Variants in SLC25A12 observed in about 807,000 individuals in gnomAD.
SLC25A12 encodes the protein solute carrier family 25 member 12.
Under a neutral mutation model 83.3 loss-of-function variants are expected in SLC25A12, and 32 were observed. The observed-to-expected ratio is 0.38, with a 90% CI of 0.29 to 0.52. The LOEUF is 0.52. Among genes scored for constraint, SLC25A12 ranks in the 20% least tolerant of loss-of-function variants. SLC25A12 has a pLI of 0.84. For synonymous variants in SLC25A12, 267 were observed against 291.1 expected (o/e 0.92, Z 0.84); for missense variants, 611 against 835.6 (o/e 0.73, Z 3.31).
chr2:171,867,416 C>T (rs1685356057), intron 3 of SLC25A12, among the ~76,000 whole-genome samples: 1 of 152,068 alleles, frequency 6.6e-6, no homozygotes, highest in African/African-American at 2.4e-5. Context: ...GGATCACTCG[C>T]GGTTAGGAGC....
chr2:171,883,774 A>T (rs1685748502), intron 2 of SLC25A12, among the ~76,000 whole-genome samples: 1 of 152,142 alleles, frequency 6.6e-6, no homozygotes, highest in South Asian at 2.1e-4. Flanking sequence ...TTGAAAAATG[A>T]TTTAAAAAAT....
chr2:171,787,840 T>A lies in SLC25A12; in HGVS notation c.1693A>T (p.Arg565Trp), dbSNP rs745378330. Residue 565 changes from arginine to tryptophan, a missense_variant, in exon 16 of 18, where the codon AGG (arginine) becomes TGG (tryptophan). By Grantham distance (101) the Arg-to-Trp change is moderately radical. Transcript: ENST00000422440. ...GGCCCTTCTTCCCGGAGAATCTTCC[T>A]GAAACAGTCGATGACACCACTGTAT... ...TTYSGVIDCF[R>W]KILREEGPSA... is the part of the protein sequence containing the mutation. The A allele has an allele frequency of 1.2e-5, 19 of 1,614,192 alleles. No homozygotes were observed. The South Asian group carries it at 2.0e-4, about 17-fold the overall frequency.
Position 171,813,601 on chromosome 2 carries a change from A to G in SLC25A12, c.1013-104T>C, listed in dbSNP as rs1409696899. On this transcript the variant is annotated intron_variant, in intron 10 of 17. Coordinates refer to ENST00000422440, the MANE Select transcript of SLC25A12 (RefSeq NM_003705.5). ...AAAGGATGAGAAAATAAAACACAAC[A>G]TGTATTCTCACAAAAGAGAGTTTAT... 7 of 1,190,460 alleles carry G rather than the reference A, an allele frequency of 5.9e-6. No homozygotes were observed. The African/African-American group carries it at 1.1e-4, about 18-fold the overall frequency. 73.7% of individuals were successfully genotyped at this position (1,190,460 alleles called of 1,614,324 possible). A position where few individuals can be genotyped will look rare whatever the true frequency, so the allele number is the denominator to read the frequency against.
At chr2:171,880,753 A>G (rs1275328695) in intron 2 of SLC25A12, among the ~76,000 whole-genome samples, 2 of 151,948 alleles carry the variant, frequency 1.3e-5, no homozygotes, top group South Asian at 2.1e-4. Flanking sequence ...TCATTATTCT[A>G]TTTTCTCTAG....
chr2:171,783,482 A>G lies in SLC25A12; in HGVS notation c.*1792T>C, dbSNP rs1690432341. On this transcript the variant is annotated 3_prime_UTR_variant, in exon 18 of 18. Coordinates refer to ENST00000422440, the MANE Select transcript of SLC25A12 (RefSeq NM_003705.5). ...TTAAGTGAACAAAAGCAAGACACAG[A>G]ATAACACACACATAACATAATCCTG... 6.6e-6 allele frequency among the ~76,000 whole-genome samples: 1 copy of G among 152,256 alleles called. No homozygotes were observed. The highest frequency in any genetic ancestry group is 2.4e-5 in the African/African-American group (1 of 41,472).
At chr2:171,801,670 A>G (rs1195526644) in intron 13 of SLC25A12, among the ~76,000 whole-genome samples, 2 of 152,340 alleles carry the variant, frequency 1.3e-5, no homozygotes, top group Admixed American at 6.5e-5. Flanking sequence ...CTTTCAGTAC[A>G]GTATTCAATA....
intron 2 of SLC25A12, among the ~76,000 whole-genome samples, chr2:171,880,703 C>A (rs936527785): frequency 6.6e-6 from 1 of 152,136 alleles, no homozygotes; most frequent in Non-Finnish European, 1.5e-5. Flanking sequence ...CCACCCTGTT[C>A]CCCTCCTTCC....
At position 171,826,835 on chromosome 2, in the gene SLC25A12, C is replaced by T. The variant is rs368437273; in HGVS notation, c.893G>A (p.Gly298Glu). ...DIERIAPLAE[G>E]ALPYNLAELQ... ...TTCTGCCAGGTTGTAAGGTAAGGCC[C>T]CCTCAGCCAATGGGGCTATTCTCTC... The change falls in exon 9 of 18, where the codon GGG (glycine) becomes GAG (glutamate). Residue 298 changes from glycine to glutamate, a missense_variant. Around this residue, in one of 3 missense-constraint regions of SLC25A12, gnomAD observed 540 missense variants for 777.5 expected, o/e 0.69. Coordinates refer to ENST00000422440, the MANE Select transcript of SLC25A12 (RefSeq NM_003705.5). The T allele has an allele frequency of 6.8e-6, 11 of 1,610,636 alleles. No individual in the cohort carries two copies. The highest frequency in any genetic ancestry group is 1.3e-5 in the African/African-American group (1 of 74,690).
chr2:171,812,746 T>C (rs1263682225), intron 11 of SLC25A12, among the ~76,000 whole-genome samples: 4 of 151,520 alleles, frequency 2.6e-5, no homozygotes, highest in African/African-American at 9.7e-5. Context: ...TGTACACCTC[T>C]GAGCTAAGTG....
intron 5 of SLC25A12, among the ~76,000 whole-genome samples, chr2:171,842,516 T>C (rs561820530): frequency 6.6e-6 from 1 of 152,070 alleles, no homozygotes; most frequent in Non-Finnish European, 1.5e-5. Context: ...ATCGCTTGAA[T>C]CCAGGAGGTG....
In SLC25A12 at chr2:171,823,947, A is replaced by C. The variant is rs1039224260; in HGVS notation, c.930+2851T>G. Reference sequence around the variant, plus strand: ...CAGAGTGAGACCCTGTCTCCACAAAAAAAAAAAAAAATTGTCCTGAGACTC... The same window carrying C: ...CAGAGTGAGACCCTGTCTCCACAAACAAAAAAAAAAATTGTCCTGAGACTC... On this transcript the variant is annotated intron_variant, in intron 9 of 17. Transcript: ENST00000422440. Among the ~76,000 whole-genome samples, 196 of 151,994 alleles carry C rather than the reference A, an allele frequency of 1.3e-3. 1 individual carries two copies. Among genetic ancestry groups the C allele is most frequent in the African/African-American group, 4.2e-3 (174 of 41,466 alleles).
chr2:171,849,929 G>A (rs1684886981), intron 4 of SLC25A12, among the ~76,000 whole-genome samples: 1 of 151,944 alleles, frequency 6.6e-6, no homozygotes, highest in African/African-American at 2.4e-5. Flanking sequence ...AGCCTCCCAA[G>A]TAGCTGGGAT....
intron 5 of SLC25A12, among the ~76,000 whole-genome samples, chr2:171,841,673 G>A (rs917792691): frequency 6.6e-6 from 1 of 152,088 alleles, no homozygotes; most frequent in Non-Finnish European, 1.5e-5. Context: ...GCCCTCAGCC[G>A]GAACAAGAGG....
intron 2 of SLC25A12, among the ~76,000 whole-genome samples, chr2:171,877,812 C>CA (rs1292205150): frequency 2.0e-5 from 3 of 152,148 alleles, no homozygotes; most frequent in East Asian, 3.9e-4. Flanking sequence ...GCATAAAGCC[C>CA]AAACACTCTA....
At chr2:171,803,976 C>G (rs1683769197) in intron 13 of SLC25A12, among the ~76,000 whole-genome samples, 1 of 152,124 alleles carries the variant, frequency 6.6e-6, no homozygotes, top group Non-Finnish European at 1.5e-5. Context: ...CACACCAATT[C>G]CACTCATACG....
chr2:171,848,060 A>G, intron 4 of SLC25A12: 1 of 392,442 alleles, frequency 2.5e-6, no homozygotes, highest in Non-Finnish European at 5.3e-6. Context: ...AGAGGTTTTA[A>G]TTTCCCCAGA....
At chr2:171,820,740 A>G (rs1191359208) in intron 9 of SLC25A12, among the ~76,000 whole-genome samples, 5 of 151,346 alleles carry the variant, frequency 3.3e-5, no homozygotes, top group East Asian at 1.9e-4. Flanking sequence ...AAAAAAAAAA[A>G]AAAAGAAAAA....
intron 13 of SLC25A12, among the ~76,000 whole-genome samples, chr2:171,802,951 T>C (rs900012040): frequency 1.3e-5 from 2 of 149,078 alleles, no homozygotes; most frequent in Non-Finnish European, 1.5e-5. Context: ...AAAACTTCCA[T>C]CTGGTTTTAA....
chr2:171,824,684 T>A (rs200823417), intron 9 of SLC25A12, among the ~76,000 whole-genome samples: 1 of 141,094 alleles, frequency 7.1e-6, no homozygotes, highest in Non-Finnish European at 1.6e-5. Flanking sequence ...TTATTAAAAA[T>A]TTTTCACATT....
Sources: allele counts gnomAD v4.1 joint callset (sites outside exome capture counted in the v4.1 genomes callset), GRCh38; gene constraint gnomAD v4.1.1; regional missense constraint gnomAD v4.1.1; transcripts MANE v1.5; gene names NCBI Gene and HGNC (gene_info 2026-07-23, HGNC 2026-07-21).